The following MAPKAPK5 variants were observed in gnomAD, a reference collection of about 807,000 sequenced individuals.
MAPKAPK5 encodes the protein MAPK activated protein kinase 5.
In MAPKAPK5, 30 loss-of-function variants were observed where a neutral mutation model predicts 65.1. The observed-to-expected ratio is 0.46, with a 90% confidence interval of 0.34 to 0.63. The LOEUF (loss-of-function observed/expected upper bound fraction) is 0.63. Among genes scored for constraint, MAPKAPK5 ranks in the 20% least tolerant of loss-of-function variants. The pLI, the probability that MAPKAPK5 is intolerant of heterozygous loss-of-function variation, is 0.01. For synonymous variants in MAPKAPK5, 179 were observed against 204.6 expected, an observed-to-expected ratio of 0.87 and a Z score of 1.07; for missense variants, 433 against 581.4, an observed-to-expected ratio of 0.74 and a Z score of 2.63.
At chr12:111,864,472 T>G (rs551004328) in intron 1 of MAPKAPK5, among the ~76,000 whole-genome samples, 1 of 152,226 alleles carries the variant, frequency 6.6e-6, no homozygotes, top group African/African-American at 2.4e-5. Context: ...AGTGCTGGGA[T>G]TACAGGTGTG....
intron 3 of MAPKAPK5, among the ~76,000 whole-genome samples, chr12:111,866,673 A>G (rs2069624131): frequency 6.6e-6 from 1 of 151,944 alleles, no homozygotes; most frequent in Non-Finnish European, 1.5e-5. Context: ...GCGATGGCGC[A>G]ATCTCGGCTT....
rs1681700718 is a variant in MAPKAPK5 at position 111,901,856 on chromosome 12, T to A, written c.*8795T>A. 1 of 154,332 alleles carries A rather than the reference T, an allele frequency of 6.5e-6. No individual in the cohort carries two copies. Among genetic ancestry groups the A allele is most frequent in the South Asian group, 2.0e-4 (1 of 5,004 alleles). 9.6% of individuals were successfully genotyped at this position (154,332 alleles called of 1,614,324 possible). Reference sequence around the variant, plus strand: ...GAAGGATTCTTTCACTTTTATTATTTATTTTGGTAATTAAATTTACATTAA... The same window carrying A: ...GAAGGATTCTTTCACTTTTATTATTAATTTTGGTAATTAAATTTACATTAA... On this transcript the variant is annotated 3_prime_UTR_variant, in exon 14 of 14. Coordinates refer to ENST00000550735, the MANE Select transcript of MAPKAPK5 (RefSeq NM_003668.4).
At chr12:111,878,038 A>G (rs536562042) in intron 7 of MAPKAPK5, among the ~76,000 whole-genome samples, 148 of 151,422 alleles carry the variant, frequency 9.8e-4, no homozygotes, top group African/African-American at 3.4e-3. Context: ...CCAGGTTGTC[A>G]AGAGATGGAT....
At chr12:111,851,917 A>G (rs189263024) in intron 1 of MAPKAPK5, among the ~76,000 whole-genome samples, 12 of 152,336 alleles carry the variant, frequency 7.9e-5, no homozygotes, top group African/African-American at 2.6e-4. Context: ...TTTAAGGTAC[A>G]GATCTTGGAG....
At chr12:111,890,572 G>A (rs116599197) in intron 13 of MAPKAPK5, among the ~76,000 whole-genome samples, 1 of 152,316 alleles carries the variant, frequency 6.6e-6, no homozygotes, top group African/African-American at 2.4e-5. Context: ...GAGAAGAGCT[G>A]TTTCACGAAA....
In MAPKAPK5 at chr12:111,868,733, A is replaced by G. The variant is rs1476625240; in HGVS notation, c.285-20A>G. On this transcript the variant is annotated intron_variant, in intron 4 of 13. Coordinates refer to ENST00000550735, the MANE Select transcript of MAPKAPK5 (RefSeq NM_003668.4). ...CTTTTTTTTTTTTTTAACTTAACAA[A>G]ATCAAATGCTTTCAAACAGGGCCCG... The G allele has an allele frequency of 6.6e-7, 1 of 1,508,648 alleles. No individual in the cohort carries two copies. The highest frequency in any genetic ancestry group is 8.9e-7 in the Non-Finnish European group (1 of 1,121,106). 93.5% of individuals were successfully genotyped at this position (1,508,648 alleles called of 1,614,324 possible). A position where few individuals can be genotyped will look rare whatever the true frequency, so the allele number is the denominator to read the frequency against.
At chr12:111,886,938 C>G (rs2070424584) in intron 10 of MAPKAPK5, among the ~76,000 whole-genome samples, 1 of 152,152 alleles carries the variant, frequency 6.6e-6, no homozygotes, top group African/African-American at 2.4e-5. Context: ...AGAAAAATTT[C>G]TACAGTTTTT....
At chr12:111,849,792 C>T (rs562530480) in intron 1 of MAPKAPK5, among the ~76,000 whole-genome samples, 1 of 152,220 alleles carries the variant, frequency 6.6e-6, no homozygotes, top group East Asian at 1.9e-4. Context: ...TCACAGTTCG[C>T]TGCAGCCATG....
rs367858495 is a variant in MAPKAPK5, at chr12:111,880,458, G to A, written c.591G>A (p.Ala197=). ...CTGACTCTTGACAGGTACTGGAGGCGCAAAGAAGGCATCAGAAGGAGAAAT... is the reference window on the plus strand; with the variant it reads ...CTGACTCTTGACAGGTACTGGAGGCACAAAGAAGGCATCAGAAGGAGAAAT... ...PYYVAPQVLE[A]QRRHQKEKSG... The change falls in exon 8 of 14, where the codon GCG becomes GCA. Residue 197 remains alanine, a synonymous_variant. Transcript: ENST00000550735. 52 of 1,613,516 alleles carry A rather than the reference G, an allele frequency of 3.2e-5. No individual in the cohort carries two copies. Among genetic ancestry groups the A allele is most frequent in the Middle Eastern group, 3.3e-4 (2 of 6,084 alleles).
chr12:111,864,703 T>A (rs903762157), intron 1 of MAPKAPK5, among the ~76,000 whole-genome samples: 1 of 152,200 alleles, frequency 6.6e-6, no homozygotes, highest in African/African-American at 2.4e-5. Context: ...ACAGAATATA[T>A]CTGTACACAA....
In MAPKAPK5 at chr12:111,900,575, T is replaced by C. The variant is rs1166851802; in HGVS notation, c.*7514T>C. On this transcript the variant is annotated 3_prime_UTR_variant, in exon 14 of 14. Transcript: ENST00000550735. ...GCCGCAAGCGTAGGGATTCTGCCTG[T>C]GGAAATGGTGTGGTGGAGGACACGG... 1 of 456,086 alleles carries C rather than the reference T, an allele frequency of 2.2e-6. No individual in the cohort carries two copies. The highest frequency in any genetic ancestry group is 1.5e-5 in the South Asian group (1 of 64,550). The allele number at this position is 456,086 out of a possible 1,614,324, so 28.3% of individuals were successfully genotyped here.
In MAPKAPK5 at chr12:111,901,332, C is replaced by T. The variant is rs977607684; in HGVS notation, c.*8271C>T. ...CCACTGTAATGAAGGGCATGCCCCCCCTGACTGTGTTACTGCAGGAAGTGG... is the reference window on the plus strand; with the variant it reads ...CCACTGTAATGAAGGGCATGCCCCCTCTGACTGTGTTACTGCAGGAAGTGG... On this transcript the variant is annotated 3_prime_UTR_variant, in exon 14 of 14. Transcript: ENST00000550735. 10 of 455,912 alleles carry T rather than the reference C, an allele frequency of 2.2e-5. No homozygotes were observed. The highest frequency in any genetic ancestry group is 1.5e-4 in the South Asian group (10 of 64,568). The allele number at this position is 455,912 out of a possible 1,614,324, so 28.2% of individuals were successfully genotyped here.
At chr12:111,870,436 C>A in intron 6 of MAPKAPK5, 76 bp downstream of exon 6, 1 of 1,208,112 alleles carries the variant, frequency 8.3e-7, no homozygotes, top group South Asian at 1.4e-5. Flanking sequence ...TTGGAGCGCT[C>A]TGAATTCATG....
intron 9 of MAPKAPK5, among the ~76,000 whole-genome samples, chr12:111,884,678 G>C (rs1020444721): frequency 1.3e-5 from 2 of 152,188 alleles, no homozygotes; most frequent in African/African-American, 2.4e-5. Flanking sequence ...GAGGCTGGGT[G>C]CCCATGGACT....
In MAPKAPK5 at chr12:111,842,727, A is replaced by G. The variant is rs779019858; in HGVS notation, c.-7A>G. ...CGCCTCTCCCGGCTGTGGGGGCCCC[A>G]CTGAGTATGTCGGAGGAGAGCGACA... On this transcript the variant is annotated 5_prime_UTR_variant, in exon 1 of 14. Coordinates refer to ENST00000550735, the MANE Select transcript of MAPKAPK5 (RefSeq NM_003668.4). 9.5e-6 allele frequency: 13 copies of G among 1,372,932 alleles called. No homozygotes were observed. The highest frequency in any genetic ancestry group is 1.2e-5 in the Non-Finnish European group (13 of 1,057,704). 85.0% of individuals were successfully genotyped at this position (1,372,932 alleles called of 1,614,324 possible).
intron 11 of MAPKAPK5, 59 bp from the exon 12 acceptor site, chr12:111,888,826 G>A: frequency 6.3e-7 from 1 of 1,597,076 alleles, no homozygotes; most frequent in Non-Finnish European, 8.5e-7. Context: ...GGTAATATCT[G>A]TCCAGAGTTG....
intron 1 of MAPKAPK5, among the ~76,000 whole-genome samples, chr12:111,857,348 TCTC>T (rs2069278046): frequency 6.6e-6 from 1 of 151,986 alleles, no homozygotes; most frequent in East Asian, 1.9e-4. Flanking sequence ...TTCAAGCAAT[TCTC>T]CTTCCTCACC....
At chr12:111,870,388 G>A (rs746067584) in intron 6 of MAPKAPK5, 28 bp downstream of exon 6, 4 of 1,565,992 alleles carry the variant, frequency 2.6e-6, no homozygotes, top group Non-Finnish European at 3.5e-6. Flanking sequence ...CTGCATTTTA[G>A]TGCTGCAACT....
At position 111,880,495 on chromosome 12, in the gene MAPKAPK5, C is replaced by A. The variant is rs2070158266; in HGVS notation, c.628C>A (p.Pro210Thr). 2 of 1,612,660 alleles carry A rather than the reference C, an allele frequency of 1.2e-6. No individual in the cohort carries two copies. The highest frequency in any genetic ancestry group is 1.7e-6 in the Non-Finnish European group (2 of 1,179,438). The stretch of plus-strand genomic sequence containing the variant: ...TCAGAAGGAGAAATCTGGCATCATA[C>A]CTACCTCACCGACGCCCTACACTTA... ...RHQKEKSGII[P>T]TSPTPYTYNK... The change falls in exon 8 of 14, where the codon CCT (proline) becomes ACT (threonine). Residue 210 changes from proline to threonine, a missense_variant. Pro to Thr is a conservative substitution (Grantham distance 38). Coordinates refer to ENST00000550735, the MANE Select transcript of MAPKAPK5 (RefSeq NM_003668.4).
Sources: allele counts gnomAD v4.1 joint callset (sites outside exome capture counted in the v4.1 genomes callset), GRCh38; gene constraint gnomAD v4.1.1; transcripts MANE v1.5; gene names NCBI Gene and HGNC (gene_info 2026-07-23, HGNC 2026-07-21).